MYH11: variants seen among roughly 807,000 people sequenced by gnomAD.
MYH11 encodes myosin heavy chain 11.
In MYH11, 80 loss-of-function variants were observed where a neutral mutation model predicts 246.6. The observed-to-expected ratio is 0.32, with a 90% CI of 0.27 to 0.39. The LOEUF (loss-of-function observed/expected upper bound fraction) is 0.39, where lower values mean the gene tolerates loss of function less well. Among genes scored for constraint, MYH11 ranks in the 10% least tolerant of loss-of-function variants. The pLI is 1.00. For missense variants in MYH11, 2,158 were observed against 2,546.8 expected (o/e 0.85, Z 3.29); for synonymous variants, 1,071 against 1,015.5 (o/e 1.05, Z -1.04).
At chr16:15,794,484 A>G (rs2042697199) in intron 4 of MYH11, among the ~76,000 whole-genome samples, 1 of 152,256 alleles carries the variant, frequency 6.6e-6, no homozygotes, top group Non-Finnish European at 1.5e-5. Context: ...TTCCTTCCTA[A>G]CAATGGCTAA....
intron 22 of MYH11, 66 bp downstream of exon 22, chr16:15,741,397 C>A: frequency 6.5e-7 from 1 of 1,550,068 alleles, no homozygotes; most frequent in Non-Finnish European, 8.8e-7. Flanking sequence ...GGATGCACCT[C>A]CACAGGCCTG....
intron 13 of MYH11, 45 bp downstream of exon 13, chr16:15,757,782 G>A (rs377248604): frequency 1.9e-4 from 314 of 1,612,744 alleles, no homozygotes; most frequent in Non-Finnish European, 2.4e-4. Context: ...GGCCACACAC[G>A]TGTACAAGGT....
intron 20 of MYH11, among the ~76,000 whole-genome samples, chr16:15,743,819 A>C (rs538773552): frequency 3.9e-4 from 59 of 152,322 alleles, no homozygotes; most frequent in African/African-American, 1.4e-3. Context: ...TTGCTTGGTG[A>C]AAAAGCCTTG....
At chr16:15,842,246 C>T (rs766949787) in intron 1 of MYH11, among the ~76,000 whole-genome samples, 3 of 151,928 alleles carry the variant, frequency 2.0e-5, no homozygotes, top group Admixed American at 1.3e-4. Context: ...AGTTGCTGGG[C>T]GTGGTAGCAT....
chr16:15,821,236 TACTA>T (rs2043402847), intron 3 of MYH11, among the ~76,000 whole-genome samples: 1 of 152,212 alleles, frequency 6.6e-6, no homozygotes, highest in Admixed American at 6.5e-5. Context: ...TCCACACACA[TACTA>T]TCTACAGTGA....
intron 3 of MYH11, among the ~76,000 whole-genome samples, chr16:15,800,644 G>GAT (rs201209080): frequency 3.5e-4 from 52 of 149,986 alleles, no homozygotes; most frequent in East Asian, 1.8e-3. Flanking sequence ...TGGATGGATG[G>GAT]GAATATGAAT....
chr16:15,713,459 C>G (rs1776230128), intron 40 of MYH11: 1 of 151,704 alleles, frequency 6.6e-6, no homozygotes, highest in African/African-American at 2.4e-5. Context: ...GTGGGAGGAC[C>G]CCTGAGCAAG....
At chr16:15,781,444 G>T (rs2042350695) in intron 6 of MYH11, among the ~76,000 whole-genome samples, 1 of 152,178 alleles carries the variant, frequency 6.6e-6, no homozygotes, top group South Asian at 2.1e-4. Context: ...TTTCTGCAAA[G>T]AGTCTTTCAC....
intron 2 of MYH11, among the ~76,000 whole-genome samples, chr16:15,830,005 C>T (rs765298712): frequency 8.5e-5 from 13 of 152,102 alleles, no homozygotes; most frequent in South Asian, 4.1e-4. Flanking sequence ...TGTGGTGGCG[C>T]GTGCCTGTAA....
rs1039425347 is a variant in MYH11 at position 15,762,064 on chromosome 16, T to A, written c.1130-1406A>T. ...ATCTCGGCGCACTGCAATCTCCGCCTCCTGCGTTCAAGCAGTTCTCCTGCC... is the reference window on the plus strand; with the variant it reads ...ATCTCGGCGCACTGCAATCTCCGCCACCTGCGTTCAAGCAGTTCTCCTGCC... On this transcript the variant is annotated intron_variant, in intron 10 of 40. Transcript: ENST00000300036. Among the ~76,000 whole-genome samples, 5 of 152,360 alleles carry A rather than the reference T, an allele frequency of 3.3e-5. No homozygotes were observed. The East Asian group carries it at 9.6e-4, about 29-fold the overall frequency.
At chr16:15,804,099 C>T (rs1404452204) in intron 3 of MYH11, among the ~76,000 whole-genome samples, 3 of 152,204 alleles carry the variant, frequency 2.0e-5, no homozygotes, top group Non-Finnish European at 4.4e-5. Flanking sequence ...TCACTCCCTC[C>T]TTGCTTTGCA....
intron 3 of MYH11, among the ~76,000 whole-genome samples, chr16:15,812,551 TAAAAAAAAAAAAAAAAA>T (rs71134466): frequency 5.3e-5 from 2 of 37,400 alleles, no homozygotes; most frequent in African/African-American, 1.1e-4. Flanking sequence ...ATCTTATCTC[TAAAAAAAAAAAAAAAAA>T]AAAAAAAAAA....
intron 3 of MYH11, among the ~76,000 whole-genome samples, chr16:15,815,064 C>T (rs1349701605): frequency 6.6e-6 from 1 of 152,154 alleles, no homozygotes; most frequent in Non-Finnish European, 1.5e-5. Context: ...GAACAAAAGA[C>T]TGAAAGACGA....
At chr16:15,758,050 G>T (rs2041777421) in intron 12 of MYH11, 50 bp from the exon 13 acceptor site, 1 of 1,611,778 alleles carries the variant, frequency 6.2e-7, no homozygotes, top group African/African-American at 1.3e-5. Context: ...TATGAAGTCA[G>T]AAGACAAGGA....
In MYH11 at chr16:15,725,634, G is replaced by A. The variant is rs1265003834; in HGVS notation, c.3859-642C>T. 1.7e-5 allele frequency: 7 copies of A among 401,040 alleles called. No homozygotes were observed. Among genetic ancestry groups the A allele is most frequent in the South Asian group, 1.2e-4 (1 of 8,074 alleles). The allele number at this position is 401,040 out of a possible 1,614,324, so 24.8% of individuals were successfully genotyped here. Reference sequence around the variant, plus strand: ...TGAATGATCTTGACACTGCTTATATGAGGGCGGCAAAAGCCCTGCTCTCAA... The same window carrying A: ...TGAATGATCTTGACACTGCTTATATAAGGGCGGCAAAAGCCCTGCTCTCAA... On this transcript the variant is annotated intron_variant, in intron 28 of 40. Coordinates refer to ENST00000300036, the MANE Select transcript of MYH11 (RefSeq NM_002474.3).
At chr16:15,773,825 A>C (rs747583968) in intron 8 of MYH11, among the ~76,000 whole-genome samples, 18 of 150,474 alleles carry the variant, frequency 1.2e-4, no homozygotes, top group Non-Finnish European at 2.2e-4. Context: ...CAGTTTGCCA[A>C]CTCCCTTTTT....
chr16:15,741,525 C>T lies in MYH11; in HGVS notation c.2797G>A (p.Glu933Lys). The T allele has an allele frequency of 6.2e-7, 1 of 1,610,080 alleles. No individual in the cohort carries two copies. The highest frequency in any genetic ancestry group is 8.5e-7 in the Non-Finnish European group (1 of 1,180,024). Reference sequence around the variant, plus strand: ...AGCTGCTGGCCCCTGTCTTCCTCCTCCTCCAGGCGGGCCTCCATCTCATGC... The same window carrying T: ...AGCTGCTGGCCCCTGTCTTCCTCCTTCTCCAGGCGGGCCTCCATCTCATGC... ...ILHEMEARLE[E>K]EEDRGQQLQA... Residue 933 changes from glutamate (E) to lysine (K), a missense_variant, in exon 22 of 41, where the codon GAG (glutamate) becomes AAG (lysine). Around this residue, in one of 11 missense-constraint regions of MYH11, gnomAD observed 284 missense variants for 315.4 expected, o/e 0.90. Transcript: ENST00000300036.
chr16:15,759,560 T>A lies in MYH11; in HGVS notation c.1401+16A>T. ...ACAACCAAGACCATGGCTCTTAGGA[T>A]CCCACCGAGCTGTACCTCAAAGATC... On this transcript the variant is annotated intron_variant, in intron 12 of 40. Coordinates refer to ENST00000300036, the MANE Select transcript of MYH11 (RefSeq NM_002474.3). 1 of 1,614,108 alleles carries A rather than the reference T, an allele frequency of 6.2e-7. No homozygotes were observed. Among genetic ancestry groups the A allele is most frequent in the South Asian group, 1.1e-5 (1 of 91,082 alleles).
chr16:15,784,769 C>T, intron 5 of MYH11: 2 of 1,607,506 alleles, frequency 1.2e-6, no homozygotes, highest in Non-Finnish European at 1.7e-6. Context: ...ATTTCCATCA[C>T]ATGGACATCA....
Sources: gnomAD v4.1 joint callset for allele counts (sites outside exome capture counted in the v4.1 genomes callset) on GRCh38, gnomAD v4.1.1 for gene constraint, gnomAD v4.1.1 regional missense constraint, MANE v1.5 for transcripts, NCBI Gene and HGNC (gene_info 2026-07-23, HGNC 2026-07-21) for gene names.